The following ZBTB20 variants were observed in gnomAD, a reference collection of about 807,000 sequenced individuals.
ZBTB20 encodes the protein zinc finger and BTB domain-containing protein 20.
Under a neutral mutation model 56.9 loss-of-function variants are expected in ZBTB20, and 9 were observed. That is an observed-to-expected ratio of 0.16 (90% confidence interval 0.10 to 0.28). ZBTB20 has a LOEUF of 0.28. ZBTB20 is among the 10% of genes least tolerant of loss of function. The pLI, the probability that ZBTB20 is intolerant of heterozygous loss-of-function variation, is 1.00. For synonymous variants in ZBTB20, 417 were observed against 420.7 expected (o/e 0.99, Z 0.11); for missense variants, 655 against 1,003.0 (o/e 0.65, Z 4.69).
intron 4 of ZBTB20, among the ~76,000 whole-genome samples, chr3:114,879,736 G>A (rs754593688): frequency 3.6e-4 from 54 of 152,094 alleles, no homozygotes; most frequent in Non-Finnish European, 6.5e-4. Flanking sequence ...GGTATCCGAC[G>A]TCAGACCTAT....
chr3:114,338,987 AAG>A lies in ZBTB20; in HGVS notation c.*16_*17del. On this transcript the variant is annotated 3_prime_UTR_variant, in exon 12 of 12. Coordinates refer to ENST00000675478, the MANE Select transcript of ZBTB20 (RefSeq NM_001348800.3). ...TTGTTGTTTTGTTTTGTTCATAAGAAAGAGAGAAAGATACTACTTATCCGTCA... is the reference window on the plus strand; with the variant it reads ...TTGTTGTTTTGTTTTGTTCATAAGAAAGAGAAAGATACTACTTATCCGTCA... 1 of 1,487,090 alleles carries A rather than the reference AAG, an allele frequency of 6.7e-7. No homozygotes were observed. Among genetic ancestry groups the A allele is most frequent in the African/African-American group, 1.4e-5 (1 of 71,424 alleles). 92.1% of individuals were successfully genotyped at this position (1,487,090 alleles called of 1,614,324 possible). A position where few individuals can be genotyped will look rare whatever the true frequency, so the allele number is the denominator to read the frequency against.
chr3:114,659,309 C>T (rs752281516), intron 6 of ZBTB20, among the ~76,000 whole-genome samples: 4 of 152,170 alleles, frequency 2.6e-5, no homozygotes, highest in Non-Finnish European at 4.4e-5. Flanking sequence ...TCTTTGTACA[C>T]ATTAGGTAAT....
At chr3:115,065,168 T>A (rs750062851) in intron 2 of ZBTB20, among the ~76,000 whole-genome samples, 1 of 152,148 alleles carries the variant, frequency 6.6e-6, no homozygotes, top group Non-Finnish European at 1.5e-5. Flanking sequence ...TTCAGGAAAA[T>A]TTCTATCATA....
In ZBTB20 at chr3:114,748,352, T is replaced by TTTC. The variant is rs1553807326; in HGVS notation, c.-343+52748_-343+52749insGAA. 2.3e-4 allele frequency among the ~76,000 whole-genome samples: 11 copies of TTTC among 48,654 alleles called. 1 individual carries two copies. The highest frequency in any genetic ancestry group is 6.3e-4 in the African/African-American group (11 of 17,482). The allele number at this position is 48,654 out of a possible 152,430, so 31.9% of individuals were successfully genotyped here. A position where few individuals can be genotyped will look rare whatever the true frequency, so the allele number is the denominator to read the frequency against. ...TTTCTTTCTTCTTTCTTTCTTTCTT[T>TTTC]TCTCTCTCTCTCTCTCTCTCTCTCT... On this transcript the variant is annotated intron_variant, in intron 5 of 11. Transcript: ENST00000675478.
At chr3:114,565,959 C>A (rs2052677728) in intron 6 of ZBTB20, among the ~76,000 whole-genome samples, 1 of 151,898 alleles carries the variant, frequency 6.6e-6, no homozygotes, top group African/African-American at 2.4e-5. Context: ...CTGCTTCACT[C>A]TTTCCAGGTA....
chr3:115,098,227 G>A (rs1387845958), intron 1 of ZBTB20, among the ~76,000 whole-genome samples: 8 of 152,156 alleles, frequency 5.3e-5, no homozygotes, highest in Non-Finnish European at 7.4e-5. Context: ...CACAGATATC[G>A]CCACTGTATG....
At chr3:114,846,359 C>A (rs546401327) in intron 4 of ZBTB20, among the ~76,000 whole-genome samples, 1 of 152,238 alleles carries the variant, frequency 6.6e-6, no homozygotes, top group South Asian at 2.1e-4. Flanking sequence ...ACTTTTCCAT[C>A]CACAACAGAC....
intron 5 of ZBTB20, 124 bp from the exon 6 acceptor site, chr3:114,693,699 T>C (rs1198956661): frequency 1.3e-5 from 2 of 152,096 alleles, no homozygotes; most frequent in African/African-American, 2.4e-5. Flanking sequence ...TGGTAGTATA[T>C]AAAAAGTAAA....
chr3:114,421,829 C>T lies in ZBTB20; in HGVS notation c.-254-32724G>A, dbSNP rs547655350. On this transcript the variant is annotated intron_variant, in intron 7 of 11. Transcript: ENST00000675478. ...CAGATTTTTTTTTTTTTTAACTCTG[C>T]GTGGGTGGTGAGCCTTTCAGGGAAA... Among the ~76,000 whole-genome samples, 89 of 145,700 alleles carry T rather than the reference C, an allele frequency of 6.1e-4. 3 individuals carry two copies. The South Asian group carries it at 0.014, about 23-fold the overall frequency.
At position 114,380,210 on chromosome 3, in the gene ZBTB20, T is replaced by C. The variant is rs1296796334; in HGVS notation, c.199+7A>G. On this transcript the variant is annotated splice_region_variant and intron_variant, in intron 10 of 11. Coordinates refer to ENST00000675478, the MANE Select transcript of ZBTB20 (RefSeq NM_001348800.3). ...CAAAGACACCATCACCTTAGTGGTG[T>C]ACTCACAATCAGATGACCCGGTGTG... 13 of 1,534,536 alleles carry C rather than the reference T, an allele frequency of 8.5e-6. No homozygotes were observed. Among genetic ancestry groups the C allele is most frequent in the African/African-American group, 2.7e-5 (2 of 72,986 alleles).
chr3:114,831,438 C>T (rs2073839699), intron 4 of ZBTB20, among the ~76,000 whole-genome samples: 1 of 151,850 alleles, frequency 6.6e-6, no homozygotes, highest in African/African-American at 2.4e-5. Context: ...GTTAATGTGG[C>T]TCTTGTGAAG....
intron 5 of ZBTB20, among the ~76,000 whole-genome samples, chr3:114,719,806 A>G (rs1173874631): frequency 6.6e-6 from 1 of 152,128 alleles, no homozygotes; most frequent in African/African-American, 2.4e-5. Context: ...GGTAAAGCTG[A>G]TGTATTTTAA....
chr3:115,049,334 T>C (rs1210914262), intron 2 of ZBTB20, among the ~76,000 whole-genome samples: 1 of 152,160 alleles, frequency 6.6e-6, no homozygotes, highest in Non-Finnish European at 1.5e-5. Context: ...ATTTCTAGCA[T>C]CTAGACAAAT....
chr3:114,967,593 GA>G (rs1319359292), intron 3 of ZBTB20, among the ~76,000 whole-genome samples: 1 of 151,190 alleles, frequency 6.6e-6, no homozygotes, highest in African/African-American at 2.4e-5. Context: ...CTCCTCAAGG[GA>G]AAAAAAAGGG....
At chr3:114,653,068 T>A (rs1180719467) in intron 6 of ZBTB20, among the ~76,000 whole-genome samples, 1 of 151,986 alleles carries the variant, frequency 6.6e-6, no homozygotes. Context: ...TAAACAATCA[T>A]GGTATTTGTG....
At chr3:115,067,542 G>T (rs1301580708) in intron 2 of ZBTB20, among the ~76,000 whole-genome samples, 1 of 142,166 alleles carries the variant, frequency 7.0e-6, no homozygotes, top group Non-Finnish European at 1.5e-5. Context: ...TGAAAAATCA[G>T]TAAAAAAAAA....
chr3:115,144,160 TGAA>T (rs1379972705), intron 1 of ZBTB20, among the ~76,000 whole-genome samples: 3 of 152,190 alleles, frequency 2.0e-5, no homozygotes, highest in South Asian at 4.1e-4. Context: ...CAAATGTTTT[TGAA>T]GAAGTCTCTG....
At chr3:114,625,742 T>G (rs945841199) in intron 6 of ZBTB20, among the ~76,000 whole-genome samples, 1 of 152,120 alleles carries the variant, frequency 6.6e-6, no homozygotes, top group African/African-American at 2.4e-5. Context: ...CATCAAGAAG[T>G]GATGCTCCCA....
At chr3:114,387,326 T>C (rs1195630672) in intron 8 of ZBTB20, 1 of 152,344 alleles carries the variant, frequency 6.6e-6, no homozygotes, top group East Asian at 1.9e-4. Context: ...AGCAAGTTTC[T>C]GTTTTATTAT....
Sources: allele counts gnomAD v4.1 joint callset (sites outside exome capture counted in the v4.1 genomes callset), GRCh38; gene constraint gnomAD v4.1.1; transcripts MANE v1.5; gene names NCBI Gene and HGNC (gene_info 2026-07-23, HGNC 2026-07-21).